DYNC2I1: variants seen among roughly 807,000 people sequenced by gnomAD.
DYNC2I1 encodes dynein 2 intermediate chain 1, also known as cytoplasmic dynein 2 intermediate chain 1.
DYNC2I1 carries 89 observed loss-of-function variants against 133.4 expected under a neutral mutation model. That is an observed-to-expected ratio of 0.67 (90% CI 0.56 to 0.80). The LOEUF is 0.80. Among genes scored for constraint, DYNC2I1 ranks in the 30% least tolerant of loss-of-function variants. The pLI, the probability that DYNC2I1 is intolerant of heterozygous loss-of-function variation, is 0.00. For missense variants in DYNC2I1, 1,291 were observed against 1,314.5 expected (o/e 0.98, Z 0.28); for synonymous variants, 504 against 484.3 (o/e 1.04, Z -0.54).
At chr7:158,846,034 C>T in the DYNC2I1 span, among the ~76,000 whole-genome samples, 2 of 152,096 alleles carry the variant, frequency 1.3e-5, no homozygotes, top group East Asian at 3.9e-4. Context: ...CCACGGCAGG[C>T]AGATCACTTG....
chr7:158,941,940 G>T lies in DYNC2I1; in HGVS notation c.2794G>T (p.Gly932Ter). The stretch of plus-strand genomic sequence containing the variant: ...CTGGTCATAGGCCGGCTGTTCGGAC[G>T]GAAGCATCAGGCTGCACCAGCTGAG... ...EPIFLAGCSDGSIRLHQLSSA... is the reference protein window; with the variant it reads ...EPIFLAGCSD The change falls in exon 24 of 25, where the codon GGA (glycine) becomes TGA (stop). Residue 932 changes from glycine to a stop codon, truncating the protein, a stop_gained. Coordinates refer to ENST00000407559, the MANE Select transcript of DYNC2I1 (RefSeq NM_018051.5). LOFTEE classifies it high-confidence loss of function. 1.2e-6 allele frequency: 2 copies of T among 1,607,056 alleles called. No homozygotes were observed. The highest frequency in any genetic ancestry group is 8.5e-7 in the Non-Finnish European group (1 of 1,176,734).
In DYNC2I1 at chr7:158,946,037, G is replaced by A. The variant is rs963767940; in HGVS notation, c.*258G>A. The A allele has an allele frequency of 6.1e-6, 2 of 326,664 alleles. No individual in the cohort carries two copies. Among genetic ancestry groups the A allele is most frequent in the Non-Finnish European group, 1.1e-5 (2 of 181,646 alleles). 20.2% of individuals were successfully genotyped at this position (326,664 alleles called of 1,614,324 possible). On this transcript the variant is annotated 3_prime_UTR_variant, in exon 25 of 25. Transcript: ENST00000407559. ...ACGTCCAGGGTGCTCTTTTCTGAGAGTATTTCGAGTTATTTTTAGAACAGT... is the reference window on the plus strand; with the variant it reads ...ACGTCCAGGGTGCTCTTTTCTGAGAATATTTCGAGTTATTTTTAGAACAGT...
At chr7:158,856,988 A>G (rs1339733547) in intron 1 of DYNC2I1, among the ~76,000 whole-genome samples, 2 of 151,954 alleles carry the variant, frequency 1.3e-5, no homozygotes, top group East Asian at 3.9e-4. Context: ...CGGTCTGTGC[A>G]GCCTCAGGCC....
At chr7:158,883,387 T>A (rs1378091231) in intron 5 of DYNC2I1, among the ~76,000 whole-genome samples, 6 of 150,892 alleles carry the variant, frequency 4.0e-5, no homozygotes, top group African/African-American at 1.5e-4. Flanking sequence ...TTATTATTTT[T>A]TTTTTTTTTG....
chr7:158,911,784 G>A lies in DYNC2I1; in HGVS notation c.1590+105G>A, dbSNP rs891141351. On this transcript the variant is annotated intron_variant, in intron 12 of 24. Transcript: ENST00000407559. ...TTCTGCAATATTAGAACTTGGGGATGGTCTGTGAAGGATACAAGCTTAGGG... is the reference window on the plus strand; with the variant it reads ...TTCTGCAATATTAGAACTTGGGGATAGTCTGTGAAGGATACAAGCTTAGGG... The A allele has an allele frequency of 6.4e-5, 87 of 1,357,958 alleles. 1 individual carries two copies. The highest frequency in any genetic ancestry group is 2.7e-4 in the Middle Eastern group (1 of 3,736). 84.1% of individuals were successfully genotyped at this position (1,357,958 alleles called of 1,614,324 possible).
intron 1 of DYNC2I1, among the ~76,000 whole-genome samples, chr7:158,857,535 TTTTTG>T (rs1379090741): frequency 1.6e-5 from 2 of 121,502 alleles, no homozygotes; most frequent in African/African-American, 4.3e-5. Flanking sequence ...AAACCTTAGG[TTTTTG>T]TTTTTTTTTT....
intron 3 of DYNC2I1, among the ~76,000 whole-genome samples, chr7:158,872,632 GA>G (rs377630336): frequency 2.8e-4 from 40 of 142,632 alleles, no homozygotes; most frequent in African/African-American, 8.7e-4. Flanking sequence ...GTCTCTAAAA[GA>G]AAAAAAAAAC....
intron 24 of DYNC2I1, among the ~76,000 whole-genome samples, chr7:158,943,476 C>G (rs924908639): frequency 1.3e-5 from 2 of 152,054 alleles, no homozygotes; most frequent in Non-Finnish European, 2.9e-5. Context: ...AGGTCACGAG[C>G]GTGGGTCAGG....
At chr7:158,886,557 C>G (rs1396407321) in intron 6 of DYNC2I1, among the ~76,000 whole-genome samples, 5 of 152,196 alleles carry the variant, frequency 3.3e-5, no homozygotes, top group Admixed American at 6.5e-5. Context: ...AAGACTTTAA[C>G]ATTTATTGCT....
At chr7:158,882,303 G>A (rs1470043667) in intron 5 of DYNC2I1, among the ~76,000 whole-genome samples, 1 of 152,154 alleles carries the variant, frequency 6.6e-6, no homozygotes, top group East Asian at 1.9e-4. Context: ...CTAAATCTCA[G>A]ATAGGTGTGG....
intron 9 of DYNC2I1, among the ~76,000 whole-genome samples, chr7:158,902,092 T>C (rs1846312724): frequency 6.6e-6 from 1 of 152,224 alleles, no homozygotes; most frequent in South Asian, 2.1e-4. Context: ...TAAAAATACA[T>C]ACACTTTCAC....
At chr7:158,904,636 T>G (rs1846575714) in intron 10 of DYNC2I1, 2 of 152,626 alleles carry the variant, frequency 1.3e-5, no homozygotes, top group Admixed American at 1.3e-4. Context: ...CAGTCACATC[T>G]TATAATGTCT....
At chr7:158,905,188 T>G (rs755778239) in intron 10 of DYNC2I1, 3 of 396,944 alleles carry the variant, frequency 7.6e-6, no homozygotes, top group Non-Finnish European at 1.5e-5. Context: ...TCTCCCGTGC[T>G]GGAGTACAGT....
At position 158,926,208 on chromosome 7, in the gene DYNC2I1, A is replaced by G; in HGVS notation, c.2279A>G (p.Asn760Ser). 6.2e-7 allele frequency: 1 copy of G among 1,613,362 alleles called. No homozygotes were observed. The highest frequency in any genetic ancestry group is 8.5e-7 in the Non-Finnish European group (1 of 1,179,690). The change falls in exon 18 of 25, where the codon AAC (asparagine) becomes AGC (serine). Residue 760 changes from asparagine to serine, a missense_variant. Coordinates refer to ENST00000407559, the MANE Select transcript of DYNC2I1 (RefSeq NM_018051.5). ...CCAGATGGAATCCTTACCTCAGTAA[A>G]CCACCGAAGCCCTCTTCAAGCAGTA... ...FSTDGILTSV[N>S]HRSPLQAVEP...
intron 17 of DYNC2I1, 22 bp downstream of exon 17, chr7:158,923,755 A>G (rs1474245319): frequency 6.3e-7 from 1 of 1,589,594 alleles, no homozygotes; most frequent in South Asian, 1.1e-5. Flanking sequence ...CTGCCTGCCA[A>G]TTGTGTGTCT....
chr7:158,949,555 C>T (rs182681198), downstream of DYNC2I1, among the ~76,000 whole-genome samples: 61 of 152,270 alleles, frequency 4.0e-4, 1 homozygote, highest in Admixed American at 1.4e-3. Context: ...GAGGCAGTGC[C>T]GTGGAACGAA....
Position 158,945,802 on chromosome 7 carries a change from G to A in DYNC2I1, c.*23G>A. ...TAGCGGGTGTGGCTGAGAGGACCGC[G>A]TTTCTGTAATGACCCAGATTTAAAA... On this transcript the variant is annotated 3_prime_UTR_variant, in exon 25 of 25. Transcript: ENST00000407559. The surrounding 1 kb of genome is among the most constrained non-coding windows in gnomAD (Gnocchi z 4.1). The A allele has an allele frequency of 4.0e-6, 6 of 1,500,590 alleles. No homozygotes were observed. Among genetic ancestry groups the A allele is most frequent in the East Asian group, 4.7e-5 (2 of 42,846 alleles). The allele number at this position is 1,500,590 out of a possible 1,614,324, so 93.0% of individuals were successfully genotyped here. A position where few individuals can be genotyped will look rare whatever the true frequency, so the allele number is the denominator to read the frequency against.
Position 158,926,215 on chromosome 7 carries a change from A to G in DYNC2I1, c.2286A>G (p.Arg762=), listed in dbSNP as rs1175147262. The change falls in exon 18 of 25, where the codon CGA becomes CGG. Residue 762 remains arginine (R), a synonymous_variant. Transcript: ENST00000407559. The part of the protein sequence containing the change: ...TDGILTSVNH[R]SPLQAVEPIS... ...GAATCCTTACCTCAGTAAACCACCG[A>G]AGCCCTCTTCAAGCAGTAGAACCTA... 6.2e-7 allele frequency: 1 copy of G among 1,613,626 alleles called. No homozygotes were observed. Among genetic ancestry groups the G allele is most frequent in the South Asian group, 1.1e-5 (1 of 90,894 alleles).
At chr7:158,919,641 C>G (rs1310985827) in intron 15 of DYNC2I1, among the ~76,000 whole-genome samples, 1 of 152,216 alleles carries the variant, frequency 6.6e-6, no homozygotes, top group Non-Finnish European at 1.5e-5. Flanking sequence ...GTTGGTGCCA[C>G]TGTTCCAGGC....
Sources: gnomAD v4.1 joint callset for allele counts (sites outside exome capture counted in the v4.1 genomes callset) on GRCh38, gnomAD v4.1.1 for gene constraint, Gnocchi (gnomAD v3.1) non-coding constraint, MANE v1.5 for transcripts, NCBI Gene and HGNC (gene_info 2026-07-23, HGNC 2026-07-21) for gene names.